Variants in ANKHD1 observed in about 807,000 individuals in gnomAD.
ANKHD1 encodes ankyrin repeat and KH domain containing 1, also known as ankyrin repeat and KH domain-containing protein 1.
In ANKHD1, 31 loss-of-function variants were observed where a neutral mutation model predicts 230.5. The observed-to-expected ratio is 0.13, with a 90% CI of 0.10 to 0.18. The LOEUF is 0.18. Among genes scored for constraint, ANKHD1 ranks in the 10% least tolerant of loss-of-function variants. ANKHD1 has a pLI of 1.00. For missense variants in ANKHD1, 2,256 were observed against 3,071.3 expected, an observed-to-expected ratio of 0.73 and a Z score of 6.27; for synonymous variants, 1,074 against 1,117.6, an observed-to-expected ratio of 0.96 and a Z score of 0.78.
chr5:140,520,935 A>T (rs1013215528), intron 24 of ANKHD1, among the ~76,000 whole-genome samples: 7 of 151,984 alleles, frequency 4.6e-5, no homozygotes, highest in African/African-American at 1.7e-4. Flanking sequence ...ATAATAAAAA[A>T]AAAAAAAAAA....
chr5:140,416,576 T>A (rs1260065492), intron 1 of ANKHD1, among the ~76,000 whole-genome samples: 1 of 152,202 alleles, frequency 6.6e-6, no homozygotes, highest in Admixed American at 6.5e-5. Context: ...TTTGCCACCA[T>A]CCTCTTTTGA....
At chr5:140,495,080 T>C (rs1446876554) in intron 14 of ANKHD1, among the ~76,000 whole-genome samples, 3 of 152,126 alleles carry the variant, frequency 2.0e-5, no homozygotes, top group Admixed American at 2.0e-4. Context: ...GCCACTACTG[T>C]CCCTGTCTCT....
chr5:140,420,825 G>C (rs1023199126), intron 1 of ANKHD1, among the ~76,000 whole-genome samples: 1 of 152,054 alleles, frequency 6.6e-6, no homozygotes, highest in African/African-American at 2.4e-5. Flanking sequence ...ATTGGTTATT[G>C]GTTATATTCT....
chr5:140,464,935 T>C (rs1775982031), intron 10 of ANKHD1, 159 bp downstream of exon 10: 2 of 642,434 alleles, frequency 3.1e-6, no homozygotes, highest in East Asian at 6.7e-5. Context: ...ATTAAATGTA[T>C]TTGAAAATAC....
chr5:140,504,112 G>T (rs1752441134), intron 15 of ANKHD1, among the ~76,000 whole-genome samples: 2 of 151,572 alleles, frequency 1.3e-5, no homozygotes, highest in African/African-American at 4.8e-5. Flanking sequence ...GAGGGCAGTG[G>T]CGTGATCTCA....
intron 1 of ANKHD1, among the ~76,000 whole-genome samples, chr5:140,406,873 G>T (rs1347242474): frequency 1.3e-5 from 2 of 152,080 alleles, no homozygotes; most frequent in East Asian, 3.8e-4. Flanking sequence ...TACCTGCTTC[G>T]TATTTCTTCA....
intron 1 of ANKHD1, among the ~76,000 whole-genome samples, chr5:140,413,192 A>G (rs1051690183): frequency 6.6e-6 from 1 of 152,238 alleles, no homozygotes; most frequent in Non-Finnish European, 1.5e-5. Context: ...TTAAAAATTT[A>G]CAATGAGGAC....
intron 10 of ANKHD1, among the ~76,000 whole-genome samples, chr5:140,478,618 A>G (rs1751094872): frequency 6.6e-6 from 1 of 152,146 alleles, no homozygotes; most frequent in Non-Finnish European, 1.5e-5. Flanking sequence ...GGTGAATTTT[A>G]CCAAATGTTC....
chr5:140,483,210 C>T (rs764634442), intron 11 of ANKHD1, among the ~76,000 whole-genome samples: 2 of 151,830 alleles, frequency 1.3e-5, no homozygotes, highest in African/African-American at 4.8e-5. Flanking sequence ...TAGGTTTAAC[C>T]GTATATAATT....
At chr5:140,404,969 G>C (rs1400100025) in intron 1 of ANKHD1, among the ~76,000 whole-genome samples, 1 of 562 alleles carries the variant, frequency 1.8e-3, no homozygotes, top group Admixed American at 0.013. Flanking sequence ...GTGCATGTCT[G>C]TGTGTGTGTG....
At chr5:140,464,318 A>T (rs981129678) in intron 9 of ANKHD1, among the ~76,000 whole-genome samples, 1 of 152,068 alleles carries the variant, frequency 6.6e-6, no homozygotes, top group South Asian at 2.1e-4. Flanking sequence ...CATTTGATTT[A>T]TACCACAATA....
chr5:140,423,504 T>A (rs1426855589), intron 1 of ANKHD1, among the ~76,000 whole-genome samples: 1 of 152,220 alleles, frequency 6.6e-6, no homozygotes, highest in Non-Finnish European at 1.5e-5. Context: ...TGTCTTGTGC[T>A]TATTTTTGAG....
chr5:140,491,502 G>A (rs1751805830), intron 14 of ANKHD1, among the ~76,000 whole-genome samples: 1 of 151,900 alleles, frequency 6.6e-6, no homozygotes, highest in Non-Finnish European at 1.5e-5. Flanking sequence ...ATAGTATTGT[G>A]CTACAGATTT....
At position 140,507,558 on chromosome 5, in the gene ANKHD1, TG is replaced by T. The variant is rs1399309522; in HGVS notation, c.3552-225del. 2.0e-5 allele frequency among the ~76,000 whole-genome samples: 3 copies of T among 152,052 alleles called. No homozygotes were observed. Among genetic ancestry groups the T allele is most frequent in the Admixed American group, 1.3e-4 (2 of 15,274 alleles). ...CCGACCTCAGGTGATCTGCCCTCCT[TG>T]GCCTCCCAAAGTGCTGGGATTACAG... On this transcript the variant is annotated intron_variant, in intron 19 of 33. Transcript: ENST00000360839. The surrounding 1 kb of genome is among the most constrained non-coding windows in gnomAD (Gnocchi z 4.1).
intron 29 of ANKHD1, chr5:140,532,923 C>T (rs1753897426): frequency 3.3e-6 from 1 of 301,048 alleles, no homozygotes; most frequent in Non-Finnish European, 6.6e-6. Flanking sequence ...ATGGGGAAAC[C>T]CCCGTCTCTA....
rs1656452685 is a variant in ANKHD1, at chr5:140,527,753, C to T, written c.5088-120C>T. 5.8e-6 allele frequency: 7 copies of T among 1,206,430 alleles called. No individual in the cohort carries two copies. The highest frequency in any genetic ancestry group is 2.8e-5 in the South Asian group (1 of 35,340). 74.7% of individuals were successfully genotyped at this position (1,206,430 alleles called of 1,614,324 possible). The stretch of plus-strand genomic sequence containing the variant: ...CTAAAATAAAAACTTTTAATAATTT[C>T]CTCTTTAGCATTTAAGAAATGTTAT... On this transcript the variant is annotated intron_variant, in intron 27 of 33. Coordinates refer to ENST00000360839, the MANE Select transcript of ANKHD1 (RefSeq NM_017747.3). This position sits in a 1 kb window ranked among gnomAD's most constrained non-coding sequence, Gnocchi z 4.5.
intron 24 of ANKHD1, among the ~76,000 whole-genome samples, chr5:140,516,991 T>C (rs1033889088): frequency 6.6e-6 from 1 of 151,816 alleles, no homozygotes; most frequent in Non-Finnish European, 1.5e-5. Flanking sequence ...AGACACAGAC[T>C]GGCAAATTGG....
intron 1 of ANKHD1, among the ~76,000 whole-genome samples, chr5:140,427,811 C>T (rs1209967088): frequency 7.3e-5 from 11 of 151,624 alleles, no homozygotes; most frequent in South Asian, 2.1e-4. Context: ...GGGTGGCTGC[C>T]GGGCGGAGAC....
chr5:140,462,672 C>T (rs1581286046), intron 9 of ANKHD1, among the ~76,000 whole-genome samples: 2 of 140,272 alleles, frequency 1.4e-5, no homozygotes, highest in Middle Eastern at 7.8e-3. Flanking sequence ...TTGCAGTGAG[C>T]CGAGATGGTG....
Sources: allele counts gnomAD v4.1 joint callset (sites outside exome capture counted in the v4.1 genomes callset), GRCh38; gene constraint gnomAD v4.1.1; non-coding constraint Gnocchi (gnomAD v3.1); transcripts MANE v1.5; gene names NCBI Gene and HGNC (gene_info 2026-07-23, HGNC 2026-07-21).